Variants in KCNG3 observed in about 807,000 individuals in gnomAD.
KCNG3 encodes potassium voltage-gated channel modifier subfamily G member 3, also known as voltage-gated potassium channel regulatory subunit KCNG3.
In KCNG3, 15 loss-of-function variants were observed where a neutral mutation model predicts 29.0. The observed-to-expected ratio is 0.52, with a 90% CI of 0.35 to 0.80. The LOEUF (loss-of-function observed/expected upper bound fraction) is 0.80. Among genes scored for constraint, KCNG3 ranks in the 30% least tolerant of loss-of-function variants. KCNG3 has a pLI of 0.01. For missense variants in KCNG3, 512 were observed against 605.7 expected (o/e 0.85, Z 1.62); for synonymous variants, 322 against 248.9 (o/e 1.29, Z -2.76).
At position 42,443,764 on chromosome 2, in the gene KCNG3, T is replaced by C. The variant is rs1311125289; in HGVS notation, c.*170A>G. 3.4e-6 allele frequency: 2 copies of C among 593,642 alleles called. No homozygotes were observed. The highest frequency in any genetic ancestry group is 3.7e-5 in the African/African-American group (2 of 53,854). 36.8% of individuals were successfully genotyped at this position (593,642 alleles called of 1,614,324 possible). On this transcript the variant is annotated 3_prime_UTR_variant, in exon 2 of 2. Coordinates refer to ENST00000306078, the MANE Select transcript of KCNG3 (RefSeq NM_133329.6). ...TCTTCCTTTGCAGTCTCAATTCTATTTACTCCATAACAAGTAAACTGTTTT... is the reference window on the plus strand; with the variant it reads ...TCTTCCTTTGCAGTCTCAATTCTATCTACTCCATAACAAGTAAACTGTTTT...
At chr2:42,411,319 G>A in the KCNG3 span, among the ~76,000 whole-genome samples, 1 of 152,014 alleles carries the variant, frequency 6.6e-6, no homozygotes, top group East Asian at 1.9e-4. Flanking sequence ...ACAAGTGTCA[G>A]CATTTTTATT....
At chr2:42,408,929 T>A in the KCNG3 span, among the ~76,000 whole-genome samples, 1 of 152,066 alleles carries the variant, frequency 6.6e-6, no homozygotes, top group East Asian at 1.9e-4. Context: ...GTCTCCAAGT[T>A]TCTGAATGCT....
At chr2:42,481,450 G>A (rs547436231) in intron 1 of KCNG3, among the ~76,000 whole-genome samples, 5 of 152,226 alleles carry the variant, frequency 3.3e-5, no homozygotes, top group Admixed American at 1.3e-4. Flanking sequence ...GTTCTAACTG[G>A]CTTCACTGGC....
intron 1 of KCNG3, among the ~76,000 whole-genome samples, chr2:42,451,510 A>C (rs1239293807): frequency 2.0e-5 from 3 of 151,920 alleles, no homozygotes; most frequent in African/African-American, 7.2e-5. Context: ...GGATCACTTG[A>C]GGTCAGGAGC....
chr2:42,477,372 TAC>T (rs1558386554), intron 1 of KCNG3, among the ~76,000 whole-genome samples: 4 of 101,728 alleles, frequency 3.9e-5, no homozygotes, highest in East Asian at 8.7e-4. Context: ...TACATATATA[TAC>T]ACACACATAT....
intron 1 of KCNG3, among the ~76,000 whole-genome samples, chr2:42,471,147 C>G (rs1467283067): frequency 8.2e-6 from 1 of 121,960 alleles, no homozygotes; most frequent in Non-Finnish European, 1.8e-5. Flanking sequence ...GTGAGACTGT[C>G]TCAAAAAAGT....
chr2:42,450,770 G>A (rs1672728806), intron 1 of KCNG3, among the ~76,000 whole-genome samples: 3 of 152,118 alleles, frequency 2.0e-5, no homozygotes, highest in African/African-American at 7.2e-5. Context: ...ACAAAATTGA[G>A]GCTGAAAGGT....
downstream of KCNG3, among the ~76,000 whole-genome samples, chr2:42,438,567 A>C (rs1272305820): frequency 1.3e-5 from 2 of 152,184 alleles, no homozygotes; most frequent in African/African-American, 4.8e-5. Context: ...ATTCCCACCA[A>C]AGCTACTTAA....
chr2:42,408,868 C>T, the KCNG3 span, among the ~76,000 whole-genome samples: 2 of 152,180 alleles, frequency 1.3e-5, no homozygotes, highest in Non-Finnish European at 2.9e-5. Flanking sequence ...AAACTGGGAG[C>T]TCCCTGAGGC....
chr2:42,389,700 T>G, the KCNG3 span, among the ~76,000 whole-genome samples: 45 of 152,360 alleles, frequency 3.0e-4, no homozygotes, highest in South Asian at 2.7e-3. Flanking sequence ...CTAAGAAATT[T>G]AAATTGGTAT....
Position 42,444,603 on chromosome 2 carries a change from T to C in KCNG3, c.666-24A>G, listed in dbSNP as rs755847065. The C allele has an allele frequency of 1.9e-6, 3 of 1,572,348 alleles. No homozygotes were observed. The highest frequency in any genetic ancestry group is 1.4e-5 in the African/African-American group (1 of 73,310). The stretch of plus-strand genomic sequence containing the variant: ...TCCTGTCAAGAGAACAAAAGAAGAA[T>C]TGATCATTTTATTTTTAAGCATTTT... On this transcript the variant is annotated intron_variant, in intron 1 of 1. Coordinates refer to ENST00000306078, the MANE Select transcript of KCNG3 (RefSeq NM_133329.6). The surrounding 1 kb of genome is among the most constrained non-coding windows in gnomAD (Gnocchi z 5.8).
At chr2:42,478,224 CA>C (rs1449753275) in intron 1 of KCNG3, among the ~76,000 whole-genome samples, 1 of 152,030 alleles carries the variant, frequency 6.6e-6, no homozygotes, top group Admixed American at 6.6e-5. Context: ...CTATATTTAT[CA>C]TATTATATAT....
Position 42,492,891 on chromosome 2 carries a change from C to A in KCNG3, c.611G>T (p.Arg204Leu). Residue 204 changes from arginine to leucine, a missense_variant, in exon 1 of 2, where the codon CGC becomes CTC. Arg to Leu is a moderately radical substitution (Grantham distance 102). Around this residue, in one of 5 missense-constraint regions of KCNG3, gnomAD observed 228 missense variants for 200.0 expected, o/e 1.14. Transcript: ENST00000306078. The part of the protein sequence containing the change: ...PDWRNAAADN[R>L]SLDDRSRYSA... ...GTACCTGCTCCGGTCATCCAGGCTGCGGTTGTCGGCGGCTGCGTTGCGCCA... is the reference window on the plus strand; with the variant it reads ...GTACCTGCTCCGGTCATCCAGGCTGAGGTTGTCGGCGGCTGCGTTGCGCCA... 1 of 1,553,646 alleles carries A rather than the reference C, an allele frequency of 6.4e-7. No homozygotes were observed. Among genetic ancestry groups the A allele is most frequent in the Non-Finnish European group, 8.7e-7 (1 of 1,155,842 alleles).
chr2:42,436,080 T>C, the KCNG3 span, among the ~76,000 whole-genome samples: 2 of 152,206 alleles, frequency 1.3e-5, no homozygotes, highest in Non-Finnish European at 1.5e-5. Flanking sequence ...TGATACATGC[T>C]ACAACATGGA....
chr2:42,452,370 T>C (rs149777202), intron 1 of KCNG3, among the ~76,000 whole-genome samples: 1,648 of 151,508 alleles, frequency 0.011, 33 homozygotes, highest in African/African-American at 0.037. Context: ...TTACAAACAA[T>C]CCAATTATAC....
At chr2:42,426,222 A>C in the KCNG3 span, among the ~76,000 whole-genome samples, 11 of 152,334 alleles carry the variant, frequency 7.2e-5, no homozygotes, top group Admixed American at 1.3e-4. Context: ...TATGACCCAA[A>C]TGACTGCATA....
chr2:42,489,374 G>T (rs142125906), intron 1 of KCNG3, among the ~76,000 whole-genome samples: 3 of 152,150 alleles, frequency 2.0e-5, no homozygotes, highest in Non-Finnish European at 4.4e-5. Flanking sequence ...GGGTGACAGA[G>T]TGAGATCTCT....
chr2:42,402,621 T>A, the KCNG3 span, among the ~76,000 whole-genome samples: 1 of 152,242 alleles, frequency 6.6e-6, no homozygotes, highest in African/African-American at 2.4e-5. Flanking sequence ...TATCTTTTTA[T>A]AGAAAGTCAA....
Position 42,485,608 on chromosome 2 carries a change from C to A in KCNG3, c.665+7229G>T, listed in dbSNP as rs77110162. Among the ~76,000 whole-genome samples, 160 of 152,182 alleles carry A rather than the reference C, an allele frequency of 1.1e-3. 2 individuals carry two copies. The East Asian group carries it at 0.013, about 12-fold the overall frequency. The stretch of plus-strand genomic sequence containing the variant: ...TACAGGCGCCCGCCACCATGCCTAG[C>A]TAATTTTGTTTTTGTATTTTTAGCA... On this transcript the variant is annotated intron_variant, in intron 1 of 1. Transcript: ENST00000306078.
Sources: allele counts gnomAD v4.1 joint callset (sites outside exome capture counted in the v4.1 genomes callset), GRCh38; gene constraint gnomAD v4.1.1; regional missense constraint gnomAD v4.1.1; non-coding constraint Gnocchi (gnomAD v3.1); transcripts MANE v1.5; gene names NCBI Gene and HGNC (gene_info 2026-07-23, HGNC 2026-07-21).